Variants in ADAMTSL3 observed in about 807,000 individuals in gnomAD.
The protein encoded by ADAMTSL3 is ADAMTS like 3, also known as ADAMTS-like protein 3.
In ADAMTSL3, 128 loss-of-function variants were observed where a neutral mutation model predicts 201.7. The ratio of observed to expected loss-of-function variants is 0.63; its 90% CI spans 0.55 to 0.73. The LOEUF (loss-of-function observed/expected upper bound fraction) is 0.73. Ranked by LOEUF, ADAMTSL3 falls within the 30% of genes least tolerant of loss-of-function variation. The pLI, the probability that ADAMTSL3 is intolerant of heterozygous loss-of-function variation, is 0.00. For missense variants in ADAMTSL3, 1,990 were observed against 2,119.6 expected (o/e 0.94, Z 1.20); for synonymous variants, 738 against 748.4 (o/e 0.99, Z 0.23).
At chr15:83,820,369 C>T (rs965948281) in intron 6 of ADAMTSL3, among the ~76,000 whole-genome samples, 4 of 152,166 alleles carry the variant, frequency 2.6e-5, no homozygotes, top group African/African-American at 7.2e-5. Context: ...TGAGCCACCG[C>T]GCCGGGCCAT....
rs1387693743 is a variant in ADAMTSL3, at chr15:84,002,250, T to A, written c.3973+11036T>A. 2.0e-5 allele frequency among the ~76,000 whole-genome samples: 3 copies of A among 152,146 alleles called. No homozygotes were observed. In the East Asian group the frequency reaches 5.8e-4, roughly 29 times the overall value. ...TTCAAACACCTATCAAATTTCAGAC[T>A]TCATTGCAAAAAACCTTGTGCTTTG... On this transcript the variant is annotated intron_variant, in intron 23 of 29. Coordinates refer to ENST00000286744, the MANE Select transcript of ADAMTSL3 (RefSeq NM_207517.3).
At chr15:83,767,611 A>G (rs549516035) in intron 3 of ADAMTSL3, among the ~76,000 whole-genome samples, 1 of 152,226 alleles carries the variant, frequency 6.6e-6, no homozygotes, top group South Asian at 2.1e-4. Context: ...GGGGCTAACC[A>G]ATGTGGAGCT....
At chr15:83,965,508 A>C (rs1293672960) in intron 19 of ADAMTSL3, among the ~76,000 whole-genome samples, 1 of 152,194 alleles carries the variant, frequency 6.6e-6, no homozygotes, top group South Asian at 2.1e-4. Context: ...CATGCACCCA[A>C]TACAGGAGCA....
At chr15:84,020,247 A>C (rs1210000557) in intron 25 of ADAMTSL3, among the ~76,000 whole-genome samples, 6 of 127,656 alleles carry the variant, frequency 4.7e-5, no homozygotes, top group Non-Finnish European at 1.0e-4. Flanking sequence ...GGCATAATAG[A>C]GTCAGACACA....
chr15:83,694,878 A>G (rs1179215992), intron 2 of ADAMTSL3, among the ~76,000 whole-genome samples: 2 of 152,212 alleles, frequency 1.3e-5, no homozygotes, highest in African/African-American at 2.4e-5. Flanking sequence ...AAGAACGTTC[A>G]GATATGTAGA....
At chr15:83,863,189 C>T (rs2064903271) in intron 8 of ADAMTSL3, among the ~76,000 whole-genome samples, 1 of 152,284 alleles carries the variant, frequency 6.6e-6, no homozygotes, top group African/African-American at 2.4e-5. Context: ...TAACAACCCA[C>T]TGTCAACATT....
At chr15:83,905,772 G>A (rs1467879107) in intron 15 of ADAMTSL3, among the ~76,000 whole-genome samples, 1 of 152,144 alleles carries the variant, frequency 6.6e-6, no homozygotes, top group Admixed American at 6.5e-5. Flanking sequence ...CTGGGCCAGG[G>A]ATAAGCATTT....
chr15:83,916,207 C>T (rs7496814), intron 16 of ADAMTSL3, among the ~76,000 whole-genome samples: 95,404 of 152,052 alleles, frequency 0.63, 31,019 homozygotes, highest in African/African-American at 0.79. Context: ...TTATGATATA[C>T]TCTTGTGTAT....
chr15:83,670,927 G>T (rs769672092), intron 2 of ADAMTSL3, among the ~76,000 whole-genome samples: 4 of 152,200 alleles, frequency 2.6e-5, no homozygotes, highest in Non-Finnish European at 5.9e-5. Context: ...GAGCTATCTA[G>T]ATGTTCATAT....
intron 23 of ADAMTSL3, among the ~76,000 whole-genome samples, chr15:83,994,829 C>T (rs936565620): frequency 1.4e-5 from 2 of 147,530 alleles, no homozygotes; most frequent in Non-Finnish European, 3.0e-5. Context: ...AGGCTGGTCT[C>T]GAACTCCTGA....
At chr15:83,844,849 C>T (rs543956584) in intron 7 of ADAMTSL3, among the ~76,000 whole-genome samples, 1 of 152,342 alleles carries the variant, frequency 6.6e-6, no homozygotes, top group South Asian at 2.1e-4. Context: ...AGCAGACAGA[C>T]TGTGAACTCC....
chr15:84,007,542 G>T lies in ADAMTSL3; in HGVS notation c.3974-7000G>T, dbSNP rs565186258. ...TGCATAGCCACTGCACTCCAGCCCA[G>T]TGAGACCCCATCACTAAAAAAATAA... On this transcript the variant is annotated intron_variant, in intron 23 of 29. Coordinates refer to ENST00000286744, the MANE Select transcript of ADAMTSL3 (RefSeq NM_207517.3). Among the ~76,000 whole-genome samples the T allele has an allele frequency of 5.4e-5, 8 of 148,474 alleles. No individual in the cohort carries two copies. The South Asian group carries it at 1.5e-3, about 27-fold the overall frequency.
At chr15:83,690,580 A>G (rs147831854) in intron 2 of ADAMTSL3, among the ~76,000 whole-genome samples, 1 of 152,234 alleles carries the variant, frequency 6.6e-6, no homozygotes, top group Non-Finnish European at 1.5e-5. Context: ...TGTGACACTT[A>G]CGCTCCTGTG....
intron 2 of ADAMTSL3, among the ~76,000 whole-genome samples, chr15:83,660,444 T>A (rs1420837369): frequency 6.6e-6 from 1 of 152,202 alleles, no homozygotes; most frequent in Non-Finnish European, 1.5e-5. Flanking sequence ...ACATGGCACA[T>A]AATTCCTTTT....
chr15:83,818,892 G>A lies in ADAMTSL3; in HGVS notation c.364-919G>A, dbSNP rs762013885. Among the ~76,000 whole-genome samples, 10 of 152,228 alleles carry A rather than the reference G, an allele frequency of 6.6e-5. No homozygotes were observed. The East Asian group carries it at 7.7e-4, about 12-fold the overall frequency. On this transcript the variant is annotated intron_variant, in intron 5 of 29. Coordinates refer to ENST00000286744, the MANE Select transcript of ADAMTSL3 (RefSeq NM_207517.3). ...ATTTGAACAAGCTATGTTTTCTGCC[G>A]TCCATCCTACAGCCAGTTGAAGGCA...
At chr15:83,993,788 G>T (rs900454068) in intron 23 of ADAMTSL3, among the ~76,000 whole-genome samples, 4 of 152,152 alleles carry the variant, frequency 2.6e-5, no homozygotes, top group African/African-American at 9.7e-5. Context: ...TTGGGTGGGG[G>T]TAATTTAAAG....
At chr15:83,723,249 G>A (rs535894603) in intron 3 of ADAMTSL3, among the ~76,000 whole-genome samples, 1 of 152,144 alleles carries the variant, frequency 6.6e-6, no homozygotes, top group South Asian at 2.1e-4. Context: ...TGACTAAAAA[G>A]CACTCCCCCA....
intron 2 of ADAMTSL3, 100 bp from the exon 3 acceptor site, chr15:83,704,289 C>G: frequency 1.3e-6 from 2 of 1,542,526 alleles, no homozygotes; most frequent in Non-Finnish European, 1.8e-6. Flanking sequence ...CTTGGTACAG[C>G]TATTAATGGT....
intron 19 of ADAMTSL3, chr15:83,961,920 A>T (rs2066978216): frequency 6.6e-6 from 1 of 152,220 alleles, no homozygotes; most frequent in African/African-American, 2.4e-5. Context: ...TAAAATGAAA[A>T]CTAATTGAGA....
Sources: gnomAD v4.1 joint callset for allele counts (sites outside exome capture counted in the v4.1 genomes callset) on GRCh38, gnomAD v4.1.1 for gene constraint, MANE v1.5 for transcripts, NCBI Gene and HGNC (gene_info 2026-07-23, HGNC 2026-07-21) for gene names.